The following SLC38A12 variants were observed in gnomAD, a reference collection of about 807,000 sequenced individuals.
SLC38A12 encodes the protein putative sodium-coupled neutral amino acid transporter 12.
At chr17:74,803,435 C>T in the SLC38A12 span, among the ~76,000 whole-genome samples, 2 of 152,058 alleles carry the variant, frequency 1.3e-5, no homozygotes, top group East Asian at 1.9e-4. Flanking sequence ...AGTATATACC[C>T]GAGCCCCACA....
the SLC38A12 span, among the ~76,000 whole-genome samples, chr17:74,809,977 G>C: frequency 6.6e-6 from 1 of 152,186 alleles, no homozygotes; most frequent in African/African-American, 2.4e-5. Context: ...ACCAGCCCCT[G>C]GTTGCTGAGC....
chr17:74,809,728 G>C, the SLC38A12 span, among the ~76,000 whole-genome samples: 19 of 152,300 alleles, frequency 1.2e-4, no homozygotes, highest in Admixed American at 1.1e-3. Context: ...GGCCCCCCAG[G>C]TCCAAGGGGG....
chr17:74,792,399 C>T, the SLC38A12 span, among the ~76,000 whole-genome samples: 17 of 151,900 alleles, frequency 1.1e-4, no homozygotes, highest in African/African-American at 4.1e-4. Context: ...TGCAGTGAGC[C>T]GAGATCACAC....
the SLC38A12 span, chr17:74,819,646 G>T: frequency 8.8e-7 from 1 of 1,136,370 alleles, no homozygotes; most frequent in Non-Finnish European, 1.3e-6. Flanking sequence ...AGTCAGGCCC[G>T]GCCTTAGCTA....
chr17:74,838,505 T>A, the SLC38A12 span: 1 of 1,026,912 alleles, frequency 9.7e-7, no homozygotes, highest in Non-Finnish European at 1.2e-6. Flanking sequence ...ATTCATTAGC[T>A]TCATAAAGCC....
the SLC38A12 span, chr17:74,836,157 C>T: frequency 6.2e-7 from 1 of 1,613,696 alleles, no homozygotes; most frequent in African/African-American, 1.3e-5. The surrounding 1 kb of genome is among the most constrained non-coding windows in gnomAD (Gnocchi z 4.2). Flanking sequence ...CTACGGCCTC[C>T]TCTCCTTCAC....
At chr17:74,789,301 G>A in the SLC38A12 span, among the ~76,000 whole-genome samples, 1 of 152,096 alleles carries the variant, frequency 6.6e-6, no homozygotes, top group South Asian at 2.1e-4. Context: ...AGGCCAAGGC[G>A]GGCAGATCAC....
chr17:74,808,898 C>T, the SLC38A12 span, among the ~76,000 whole-genome samples: 3 of 152,198 alleles, frequency 2.0e-5, no homozygotes, highest in African/African-American at 7.2e-5. Context: ...GGCTGCGCAT[C>T]CGGTGCTGCA....
the SLC38A12 span, chr17:74,777,353 C>G: frequency 8.1e-6 from 13 of 1,614,080 alleles, no homozygotes; most frequent in Non-Finnish European, 1.0e-5. Context: ...ATTACAGAGA[C>G]CGGGGAACTC....
At chr17:74,808,755 G>A in the SLC38A12 span, among the ~76,000 whole-genome samples, 1 of 152,246 alleles carries the variant, frequency 6.6e-6, no homozygotes, top group African/African-American at 2.4e-5. Flanking sequence ...ATTACCAGGT[G>A]TGTGGACTCA....
chr17:74,805,351 T>G, the SLC38A12 span, among the ~76,000 whole-genome samples: 3 of 152,216 alleles, frequency 2.0e-5, no homozygotes, highest in African/African-American at 4.8e-5. The surrounding 1 kb of genome is among the most constrained non-coding windows in gnomAD (Gnocchi z 5.0). Flanking sequence ...GCGTGCCCAC[T>G]GGCTGGAGGC....
chr17:74,791,122 C>A, the SLC38A12 span: 2 of 1,201,888 alleles, frequency 1.7e-6, no homozygotes, highest in Non-Finnish European at 2.4e-6. Context: ...GAGGGCTCCA[C>A]CCTGACAGCC....
At chr17:74,834,900 G>A in the SLC38A12 span, among the ~76,000 whole-genome samples, 19 of 152,232 alleles carry the variant, frequency 1.2e-4, no homozygotes, top group African/African-American at 4.1e-4. Context: ...TGGGTAGCCC[G>A]GAGAGCAGAA....
chr17:74,801,329 G>C, the SLC38A12 span, among the ~76,000 whole-genome samples: 2 of 152,230 alleles, frequency 1.3e-5, no homozygotes, highest in Non-Finnish European at 2.9e-5. Flanking sequence ...GGTGCACTGC[G>C]TGCAGTCGTT....
chr17:74,819,230 G>A, the SLC38A12 span, among the ~76,000 whole-genome samples: 2 of 152,170 alleles, frequency 1.3e-5, no homozygotes, highest in Non-Finnish European at 2.9e-5. Context: ...TGCACATCCC[G>A]ATCACTCCTC....
At chr17:74,812,464 A>G in the SLC38A12 span, among the ~76,000 whole-genome samples, 5 of 151,982 alleles carry the variant, frequency 3.3e-5, no homozygotes, top group African/African-American at 9.7e-5. Context: ...TCTTCACTAC[A>G]CTTCAAGGAC....
chr17:74,797,719 C>T, the SLC38A12 span, among the ~76,000 whole-genome samples: 2 of 152,218 alleles, frequency 1.3e-5, no homozygotes, highest in Non-Finnish European at 2.9e-5. Flanking sequence ...GCCCCTTCCC[C>T]TCCCTTGGTG....
chr17:74,776,796 G>A, the SLC38A12 span, among the ~76,000 whole-genome samples: 2 of 152,152 alleles, frequency 1.3e-5, no homozygotes, highest in African/African-American at 4.8e-5. Flanking sequence ...AAAAAAGGAG[G>A]CCTTAGTGCC....
chr17:74,802,605 C>T, the SLC38A12 span, among the ~76,000 whole-genome samples: 2 of 152,166 alleles, frequency 1.3e-5, no homozygotes, highest in Non-Finnish European at 2.9e-5. Flanking sequence ...GGACCAGAAG[C>T]GTTTCTGATT....
Sources: gnomAD v4.1 joint callset for allele counts (sites outside exome capture counted in the v4.1 genomes callset) on GRCh38, gnomAD v4.1.1 for gene constraint, Gnocchi (gnomAD v3.1) non-coding constraint, MANE v1.5 for transcripts, NCBI Gene and HGNC (gene_info 2026-07-23, HGNC 2026-07-21) for gene names.